Variants in TENM4 observed in about 807,000 individuals in gnomAD.
TENM4 encodes the protein teneurin-4.
TENM4 carries 82 observed loss-of-function variants against 243.3 expected under a neutral mutation model. That is an observed-to-expected ratio of 0.34 (90% CI 0.28 to 0.40). The LOEUF (loss-of-function observed/expected upper bound fraction) is 0.40. TENM4 is among the 10% of genes least tolerant of loss of function. TENM4 has a pLI of 1.00. For synonymous variants in TENM4, 1,412 were observed against 1,456.3 expected, an observed-to-expected ratio of 0.97 and a Z score of 0.69; for missense variants, 3,138 against 3,673.3, an observed-to-expected ratio of 0.85 and a Z score of 3.77.
At chr11:78,736,028 T>C (rs1855783773) in intron 20 of TENM4, among the ~76,000 whole-genome samples, 1 of 152,084 alleles carries the variant, frequency 6.6e-6, no homozygotes, top group African/African-American at 2.4e-5. Context: ...CATGGCTCAC[T>C]GAAGCCTTGA....
At chr11:78,694,777 T>C (rs1291212733) in intron 28 of TENM4, among the ~76,000 whole-genome samples, 1 of 152,218 alleles carries the variant, frequency 6.6e-6, no homozygotes, top group Non-Finnish European at 1.5e-5. Flanking sequence ...AAGTCCGTGG[T>C]AGGCACGGGC....
intron 4 of TENM4, among the ~76,000 whole-genome samples, chr11:79,130,476 GAAAA>G (rs55946704): frequency 6.7e-6 from 1 of 149,658 alleles, no homozygotes; most frequent in Non-Finnish European, 1.5e-5. Context: ...CAATGCAAAG[GAAAA>G]AAAAAATACA....
At chr11:79,089,373 G>A (rs1860892665) in intron 4 of TENM4, among the ~76,000 whole-genome samples, 1 of 152,226 alleles carries the variant, frequency 6.6e-6, no homozygotes, top group Non-Finnish European at 1.5e-5. Context: ...CAAGGAAAGG[G>A]TGTTCAAGTC....
At chr11:79,138,797 C>T (rs55813559) in intron 4 of TENM4, among the ~76,000 whole-genome samples, 10 of 92,478 alleles carry the variant, frequency 1.1e-4, no homozygotes, top group South Asian at 3.1e-4. Context: ...TATATAAATA[C>T]ATAAAACATA....
intron 4 of TENM4, among the ~76,000 whole-genome samples, chr11:79,124,271 G>A (rs1240435893): frequency 1.3e-5 from 2 of 152,210 alleles, no homozygotes; most frequent in East Asian, 3.8e-4. Flanking sequence ...CTGGGTGTGT[G>A]TGTGAGGGTG....
At chr11:79,410,412 A>G (rs1858673052) in intron 1 of TENM4, among the ~76,000 whole-genome samples, 1 of 152,164 alleles carries the variant, frequency 6.6e-6, no homozygotes, top group African/African-American at 2.4e-5. Context: ...GGGCAGAGAG[A>G]CTGGTTCTAC....
chr11:79,308,364 T>C (rs904295336), intron 1 of TENM4, among the ~76,000 whole-genome samples: 5 of 152,234 alleles, frequency 3.3e-5, no homozygotes, highest in Non-Finnish European at 7.3e-5. Context: ...TTCTTCCTTT[T>C]TTTTCAGTCA....
At chr11:78,943,229 G>T (rs1856941103) in intron 6 of TENM4, among the ~76,000 whole-genome samples, 1 of 152,232 alleles carries the variant, frequency 6.6e-6, no homozygotes, top group African/African-American at 2.4e-5. Flanking sequence ...TGGAGGAAGG[G>T]GGAGATTTCA....
intron 1 of TENM4, among the ~76,000 whole-genome samples, chr11:79,371,536 C>T (rs1252691490): frequency 3.3e-5 from 5 of 152,184 alleles, no homozygotes; most frequent in Non-Finnish European, 5.9e-5. Context: ...TCACAGCCCC[C>T]ATGGGCTTCC....
chr11:79,113,258 G>A (rs1861543590), intron 4 of TENM4, among the ~76,000 whole-genome samples: 1 of 135,472 alleles, frequency 7.4e-6, no homozygotes, highest in African/African-American at 3.5e-5. Flanking sequence ...AAGCAAGAGA[G>A]GGAAGGGGAA....
intron 1 of TENM4, among the ~76,000 whole-genome samples, chr11:79,429,094 CAGGTGTAAT>C (rs1193605153): frequency 6.6e-6 from 1 of 152,142 alleles, no homozygotes; most frequent in Non-Finnish European, 1.5e-5. Context: ...CTCAGAGAAA[CAGGTGTAAT>C]ATCATTCTCA....
At chr11:79,236,975 C>A (rs1360421264) in intron 2 of TENM4, among the ~76,000 whole-genome samples, 1 of 152,116 alleles carries the variant, frequency 6.6e-6, no homozygotes, top group African/African-American at 2.4e-5. Context: ...GTTAAAGGAG[C>A]CCTATGCCAT....
intron 6 of TENM4, among the ~76,000 whole-genome samples, chr11:78,907,244 CTTTTT>C (rs529102939): frequency 5.2e-5 from 7 of 133,724 alleles, no homozygotes; most frequent in Admixed American, 7.5e-5. Context: ...GAATGGACTC[CTTTTT>C]TTTTTTTTTT....
At chr11:79,307,987 T>C (rs1166775330) in intron 1 of TENM4, among the ~76,000 whole-genome samples, 5 of 152,158 alleles carry the variant, frequency 3.3e-5, no homozygotes, top group Non-Finnish European at 5.9e-5. Flanking sequence ...CCACCAACAA[T>C]TGGGAGATGT....
chr11:79,415,469 G>A (rs1365052511), intron 1 of TENM4, among the ~76,000 whole-genome samples: 2 of 152,174 alleles, frequency 1.3e-5, no homozygotes, highest in Non-Finnish European at 2.9e-5. Flanking sequence ...CAGACTCGGT[G>A]CTCAGGGCTT....
At chr11:79,162,699 C>T (rs374703949) in intron 3 of TENM4, among the ~76,000 whole-genome samples, 33 of 152,314 alleles carry the variant, frequency 2.2e-4, no homozygotes, top group African/African-American at 7.2e-4. Context: ...TCCCTGGCTG[C>T]CCAGTCACCC....
intron 2 of TENM4, among the ~76,000 whole-genome samples, chr11:79,261,822 CA>C (rs1350460359): frequency 3.3e-5 from 5 of 152,134 alleles, no homozygotes; most frequent in African/African-American, 1.2e-4. Flanking sequence ...CCCCCAGAGA[CA>C]AATACTGGGG....
At chr11:79,303,104 T>C (rs1353399723) in intron 1 of TENM4, among the ~76,000 whole-genome samples, 1 of 152,092 alleles carries the variant, frequency 6.6e-6, no homozygotes, top group Non-Finnish European at 1.5e-5. Context: ...CAGTAAATGG[T>C]CTTGGCCTTG....
At chr11:78,835,331 C>A (rs1397528316) in intron 12 of TENM4, among the ~76,000 whole-genome samples, 2 of 152,102 alleles carry the variant, frequency 1.3e-5, no homozygotes, top group Non-Finnish European at 1.5e-5. Flanking sequence ...CATGGTGAAA[C>A]CCTGTCTCTA....
Sources: gnomAD v4.1 joint callset for allele counts (sites outside exome capture counted in the v4.1 genomes callset) on GRCh38, gnomAD v4.1.1 for gene constraint, MANE v1.5 for transcripts, NCBI Gene and HGNC (gene_info 2026-07-23, HGNC 2026-07-21) for gene names.